CASZ1: variants seen among roughly 807,000 people sequenced by gnomAD.
CASZ1 encodes the protein castor zinc finger 1, also known as zinc finger protein castor homolog 1.
Under a neutral mutation model 135.2 loss-of-function variants are expected in CASZ1, and 28 were observed. That is an observed-to-expected ratio of 0.21 (90% CI 0.15 to 0.28). The LOEUF (loss-of-function observed/expected upper bound fraction) is 0.28. CASZ1 is among the 10% of genes least tolerant of loss of function. The pLI is 1.00. For synonymous variants in CASZ1, 1,068 were observed against 1,073.4 expected (o/e 0.99, Z 0.10); for missense variants, 2,161 against 2,453.3 (o/e 0.88, Z 2.52).
At chr1:10,693,822 A>G (rs867155489) in intron 4 of CASZ1, 52 bp downstream of exon 4, 3 of 1,577,528 alleles carry the variant, frequency 1.9e-6, no homozygotes, top group Non-Finnish European at 1.7e-6. Context: ...CTTCCGTAAA[A>G]GAAGCGAAAG....
chr1:10,733,150 G>C (rs189299786), intron 2 of CASZ1, among the ~76,000 whole-genome samples: 93 of 152,258 alleles, frequency 6.1e-4, no homozygotes, highest in African/African-American at 2.1e-3. Context: ...GAAAGAAAGA[G>C]GGCAGGCCAG....
chr1:10,640,488 C>CCGG (rs1642165840), intron 20 of CASZ1, among the ~76,000 whole-genome samples: 1 of 152,220 alleles, frequency 6.6e-6, no homozygotes, highest in South Asian at 2.1e-4. Context: ...GAGGGACAGG[C>CCGG]CGGCTCCTTT....
intron 4 of CASZ1, among the ~76,000 whole-genome samples, chr1:10,680,429 A>T (rs1318111050): frequency 6.6e-6 from 1 of 152,156 alleles, no homozygotes; most frequent in Non-Finnish European, 1.5e-5. Flanking sequence ...AGGTGAACTC[A>T]AATCCTCTCC....
At chr1:10,708,318 G>A (rs1365779885) in intron 2 of CASZ1, among the ~76,000 whole-genome samples, 1 of 152,172 alleles carries the variant, frequency 6.6e-6, no homozygotes, top group Non-Finnish European at 1.5e-5. Flanking sequence ...CATTGCACAA[G>A]TAAGGATGAG....
chr1:10,793,747 C>T (rs1641004900), intron 1 of CASZ1, among the ~76,000 whole-genome samples: 1 of 152,066 alleles, frequency 6.6e-6, no homozygotes, highest in South Asian at 2.1e-4. Context: ...GGCGATCTCT[C>T]CAATTCGCCG....
chr1:10,637,969 C>A lies in CASZ1; in HGVS notation c.*973G>T, dbSNP rs2124658710. 2 of 152,538 alleles carry A rather than the reference C, an allele frequency of 1.3e-5. No individual in the cohort carries two copies. Among genetic ancestry groups the A allele is most frequent in the South Asian group, 4.1e-4 (2 of 4,830 alleles). 9.4% of individuals were successfully genotyped at this position (152,538 alleles called of 1,614,324 possible). ...AGAGTTGGAATCACGCAGCTCCCAT[C>A]AGTGCTATTGTGAAGACAGACAGCC... On this transcript the variant is annotated 3_prime_UTR_variant, in exon 21 of 21. Transcript: ENST00000377022.
At chr1:10,662,457 T>A (rs1174037575) in intron 5 of CASZ1, among the ~76,000 whole-genome samples, 10 of 151,204 alleles carry the variant, frequency 6.6e-5, no homozygotes, top group African/African-American at 2.2e-4. Flanking sequence ...CACCCGCACA[T>A]ACGCACAGTC....
Position 10,657,295 on chromosome 1 carries a change from G to T in CASZ1, c.1410-559C>A, listed in dbSNP as rs1445882525. On this transcript the variant is annotated intron_variant, in intron 7 of 20. Transcript: ENST00000377022. The surrounding 1 kb of genome is among the most constrained non-coding windows in gnomAD (Gnocchi z 5.7). The stretch of plus-strand genomic sequence containing the variant: ...GCCAGGAACCTGTGCTGCCTCCCAG[G>T]AAACCCGTCCTCCTCCAGGCCCCAG... 6.6e-6 allele frequency among the ~76,000 whole-genome samples: 1 copy of T among 152,228 alleles called. No homozygotes were observed. The highest frequency in any genetic ancestry group is 1.5e-5 in the Non-Finnish European group (1 of 68,040).
In CASZ1 at chr1:10,653,846, G is replaced by C; in HGVS notation, c.2211C>G (p.Ser737Arg). The C allele has an allele frequency of 6.2e-7, 1 of 1,610,212 alleles. No individual in the cohort carries two copies. The highest frequency in any genetic ancestry group is 1.3e-5 in the African/African-American group (1 of 75,004). ...DFSALSSKNS[S>R]LSASPTSQQS... ...GCTGGCTGGTAGGGGAGGCGCTCAGGCTGGAGTTCTTGCTGCTCAGGGCGG... is the reference window on the plus strand; with the variant it reads ...GCTGGCTGGTAGGGGAGGCGCTCAGCCTGGAGTTCTTGCTGCTCAGGGCGG... Residue 737 changes from serine to arginine, a missense_variant, in exon 11 of 21, where the codon AGC (serine) becomes AGG (arginine). Coordinates refer to ENST00000377022, the MANE Select transcript of CASZ1 (RefSeq NM_001079843.3).
At chr1:10,792,481 C>CCCTGCCTT (rs1416535410) in intron 1 of CASZ1, among the ~76,000 whole-genome samples, 1 of 151,460 alleles carries the variant, frequency 6.6e-6, no homozygotes, top group Non-Finnish European at 1.5e-5. Flanking sequence ...AAAATGCAAC[C>CCCTGCCTT]CCTGCCTTAC....
In CASZ1 at chr1:10,776,500, G is replaced by A. The variant is rs924502788; in HGVS notation, c.-233-15643C>T. Among the ~76,000 whole-genome samples the A allele has an allele frequency of 2.6e-5, 4 of 152,162 alleles. No individual in the cohort carries two copies. The highest frequency in any genetic ancestry group is 4.4e-5 in the Non-Finnish European group (3 of 68,032). Reference sequence around the variant, plus strand: ...CTCACGTCTTGGCCTCTCAGTACTCGGCAAGTTCACACCAGAGGGCTCTGA... The same window carrying A: ...CTCACGTCTTGGCCTCTCAGTACTCAGCAAGTTCACACCAGAGGGCTCTGA... On this transcript the variant is annotated intron_variant, in intron 1 of 20. Coordinates refer to ENST00000377022, the MANE Select transcript of CASZ1 (RefSeq NM_001079843.3). The surrounding 1 kb of genome is among the most constrained non-coding windows in gnomAD (Gnocchi z 4.1).
chr1:10,664,739 T>C (rs933252107), intron 5 of CASZ1, among the ~76,000 whole-genome samples: 17 of 152,074 alleles, frequency 1.1e-4, no homozygotes, highest in African/African-American at 4.1e-4. Flanking sequence ...CAGGTGTGTG[T>C]AAAGAGTCAC....
chr1:10,673,193 A>C (rs946781543), intron 4 of CASZ1, among the ~76,000 whole-genome samples: 8 of 152,234 alleles, frequency 5.3e-5, no homozygotes, highest in African/African-American at 1.9e-4. Context: ...TTTTTTAAAT[A>C]ATTTATGCAA....
chr1:10,639,140 G>GTCC lies in CASZ1; in HGVS notation c.5079_5081dup (p.Glu1693dup), dbSNP rs1642105049. 9.0e-7 allele frequency: 1 copy of GTCC among 1,107,622 alleles called. No individual in the cohort carries two copies. Among genetic ancestry groups the GTCC allele is most frequent in the Non-Finnish European group, 1.1e-6 (1 of 893,036 alleles). The allele number at this position is 1,107,622 out of a possible 1,614,324, so 68.6% of individuals were successfully genotyped here. A position where few individuals can be genotyped will look rare whatever the true frequency, so the allele number is the denominator to read the frequency against. On this transcript the variant is annotated inframe_insertion, in exon 21 of 21. Transcript: ENST00000377022. The surrounding 1 kb of genome is among the most constrained non-coding windows in gnomAD (Gnocchi z 4.0). ...CGTCGTCGTCCTCGTCGTCGTCCTC[G>GTCC]TCCTCGTCGTCTTCGGCCTCCTCCT...
intron 2 of CASZ1, among the ~76,000 whole-genome samples, chr1:10,754,253 C>T (rs555025470): frequency 1.4e-4 from 22 of 152,264 alleles, no homozygotes; most frequent in Non-Finnish European, 2.1e-4. Flanking sequence ...CTCCTTCCCA[C>T]GCATCGCCAT....
At chr1:10,650,855 T>C in intron 12 of CASZ1, 86 bp downstream of exon 12, 2 of 1,602,912 alleles carry the variant, frequency 1.2e-6, no homozygotes, top group Non-Finnish European at 1.7e-6. Flanking sequence ...CCGAGCCCGC[T>C]GCAACTGCCT....
intron 1 of CASZ1, among the ~76,000 whole-genome samples, chr1:10,780,374 GT>G (rs973402231): frequency 6.6e-6 from 1 of 152,162 alleles, no homozygotes; most frequent in Non-Finnish European, 1.5e-5. Context: ...CATTCAGCCA[GT>G]TTGCCTTCTC....
intron 2 of CASZ1, among the ~76,000 whole-genome samples, chr1:10,754,086 A>G (rs1257026561): frequency 6.6e-6 from 1 of 152,096 alleles, no homozygotes; most frequent in Non-Finnish European, 1.5e-5. Context: ...TCCTACAGAT[A>G]TCGATTAGGT....
chr1:10,662,975 G>A (rs921288704), intron 5 of CASZ1, among the ~76,000 whole-genome samples: 21 of 152,308 alleles, frequency 1.4e-4, no homozygotes, highest in African/African-American at 3.8e-4. Context: ...CAGTGCACAC[G>A]CACACCTGCC....
Sources: gnomAD v4.1 joint callset for allele counts (sites outside exome capture counted in the v4.1 genomes callset) on GRCh38, gnomAD v4.1.1 for gene constraint, Gnocchi (gnomAD v3.1) non-coding constraint, MANE v1.5 for transcripts, NCBI Gene and HGNC (gene_info 2026-07-23, HGNC 2026-07-21) for gene names.